Variants in SCN8A observed in about 807,000 individuals in gnomAD.
SCN8A encodes sodium voltage-gated channel alpha subunit 8.
Under a neutral mutation model 184.1 loss-of-function variants are expected in SCN8A, and 30 were observed. The ratio of observed to expected loss-of-function variants is 0.16; its 90% CI spans 0.12 to 0.22. SCN8A has a LOEUF of 0.22. Among genes scored for constraint, SCN8A ranks in the 10% least tolerant of loss-of-function variants. The probability of loss-of-function intolerance (pLI) is 1.00; values close to 1 mark genes in which losing one functional copy is unlikely to be tolerated. For synonymous variants in SCN8A, 852 were observed against 907.0 expected, an observed-to-expected ratio of 0.94 and a Z score of 1.09; for missense variants, 1,057 against 2,498.9, an observed-to-expected ratio of 0.42 and a Z score of 12.30.
chr12:51,744,310 CA>C (rs1942473965), intron 12 of SCN8A, among the ~76,000 whole-genome samples: 1 of 152,062 alleles, frequency 6.6e-6, no homozygotes, highest in Non-Finnish European at 1.5e-5. Context: ...AAAGCAAAAA[CA>C]AAAAACCTTA....
At chr12:51,766,076 C>T (rs752173880) in intron 16 of SCN8A, 49 bp downstream of exon 16, 2 of 1,453,794 alleles carry the variant, frequency 1.4e-6, no homozygotes, top group South Asian at 2.3e-5. Context: ...GAATATTCTA[C>T]CCCTGGCCCA....
At chr12:51,674,015 G>T (rs1941178259) in intron 2 of SCN8A, among the ~76,000 whole-genome samples, 1 of 152,178 alleles carries the variant, frequency 6.6e-6, no homozygotes, top group Non-Finnish European at 1.5e-5. Flanking sequence ...GAGGAACAGT[G>T]CATATAAAGG....
chr12:51,679,093 T>TAAAAA (rs58620372), intron 2 of SCN8A, among the ~76,000 whole-genome samples: 3 of 149,740 alleles, frequency 2.0e-5, no homozygotes, highest in African/African-American at 7.4e-5. Context: ...AATAAAAAAA[T>TAAAAA]AAAAAAAAAT....
chr12:51,707,599 C>G (rs1941805999), intron 11 of SCN8A, among the ~76,000 whole-genome samples: 1 of 152,184 alleles, frequency 6.6e-6, no homozygotes, highest in Non-Finnish European at 1.5e-5. Flanking sequence ...TCCCATCCCA[C>G]TGACTTGACT....
At chr12:51,656,663 G>A (rs1261387456) in intron 1 of SCN8A, among the ~76,000 whole-genome samples, 1 of 152,114 alleles carries the variant, frequency 6.6e-6, no homozygotes, top group Non-Finnish European at 1.5e-5. Context: ...ATGTCTAAAT[G>A]GCCAATCAAC....
intron 22 of SCN8A, 55 bp from the exon 23 acceptor site, chr12:51,788,640 G>A: frequency 6.9e-7 from 1 of 1,442,472 alleles, no homozygotes. Context: ...CCCCTGCCTA[G>A]ACTCCCATCC....
chr12:51,648,542 G>C (rs1415571767), intron 1 of SCN8A, among the ~76,000 whole-genome samples: 1 of 152,182 alleles, frequency 6.6e-6, no homozygotes, highest in Non-Finnish European at 1.5e-5. Flanking sequence ...ATATGGCTGG[G>C]GAGGCCTCAG....
Position 51,642,441 on chromosome 12 carries a change from T to G in SCN8A, c.-54-20323T>G, listed in dbSNP as rs536339685. 5.5e-4 allele frequency among the ~76,000 whole-genome samples: 84 copies of G among 152,292 alleles called. 1 individual carries two copies. Among genetic ancestry groups the G allele is most frequent in the African/African-American group, 1.9e-3 (78 of 41,550 alleles). On this transcript the variant is annotated intron_variant, in intron 1 of 26. Coordinates refer to ENST00000627620, the MANE Select transcript of SCN8A (RefSeq NM_001330260.2). Reference sequence around the variant, plus strand: ...GTGCTACACAAATATGAGGTTGCATTAATTTGTAGCCTCAGCAACTGTTTG... The same window carrying G: ...GTGCTACACAAATATGAGGTTGCATGAATTTGTAGCCTCAGCAACTGTTTG...
At chr12:51,677,762 T>G (rs1941249273) in intron 2 of SCN8A, among the ~76,000 whole-genome samples, 1 of 152,216 alleles carries the variant, frequency 6.6e-6, no homozygotes, top group Admixed American at 6.5e-5. Context: ...CCATAACTCG[T>G]TAAGAACTGT....
In SCN8A at chr12:51,778,321, T is replaced by G. The variant is rs998699246; in HGVS notation, c.3820-2328T>G. Among the ~76,000 whole-genome samples the G allele has an allele frequency of 2.0e-5, 3 of 152,094 alleles. No individual in the cohort carries two copies. The South Asian group carries it at 6.2e-4, about 32-fold the overall frequency. On this transcript the variant is annotated intron_variant, in intron 20 of 26. Transcript: ENST00000627620. ...TTATTTGAGATGGAGTTTCTCTCTT[T>G]TTGTCCACGTTGGAGTGCAATGGCA...
intron 1 of SCN8A, among the ~76,000 whole-genome samples, chr12:51,624,567 G>A (rs568061999): frequency 1.3e-5 from 2 of 151,934 alleles, no homozygotes; most frequent in African/African-American, 4.8e-5. Flanking sequence ...TAGGTTGCCT[G>A]TTCACTCTGA....
At chr12:51,644,642 C>T (rs941311814) in intron 1 of SCN8A, among the ~76,000 whole-genome samples, 1 of 152,210 alleles carries the variant, frequency 6.6e-6, no homozygotes, top group South Asian at 2.1e-4. Flanking sequence ...ATTGCAGCCT[C>T]TGCCCGGCCG....
intron 21 of SCN8A, among the ~76,000 whole-genome samples, chr12:51,784,237 C>T (rs1274409377): frequency 6.6e-6 from 1 of 152,094 alleles, no homozygotes; most frequent in Admixed American, 6.6e-5. Flanking sequence ...ATGTTCAAAG[C>T]AAGGAAGAAT....
At chr12:51,763,805 G>A (rs1386507584) in intron 15 of SCN8A, among the ~76,000 whole-genome samples, 1 of 152,182 alleles carries the variant, frequency 6.6e-6, no homozygotes, top group Non-Finnish European at 1.5e-5. Context: ...GAATTGGCTT[G>A]GGTTTTTCAC....
chr12:51,730,127 C>T (rs926367971), intron 12 of SCN8A, among the ~76,000 whole-genome samples: 2 of 151,860 alleles, frequency 1.3e-5, no homozygotes. Flanking sequence ...AGGATGCCTA[C>T]CCCCAAGAAC....
chr12:51,645,009 C>A (rs11169896), intron 1 of SCN8A, among the ~76,000 whole-genome samples: 99,500 of 146,554 alleles, frequency 0.68, 35,838 homozygotes, highest in East Asian at 0.82. Flanking sequence ...CCGGCAGCCA[C>A]CTCGTCTGGG....
chr12:51,693,209 A>G (rs553681085), intron 6 of SCN8A, among the ~76,000 whole-genome samples: 6 of 152,206 alleles, frequency 3.9e-5, no homozygotes, highest in Non-Finnish European at 8.8e-5. Flanking sequence ...TTTTAAGACT[A>G]TATCCTGACT....
intron 1 of SCN8A, among the ~76,000 whole-genome samples, chr12:51,655,408 CA>C (rs1354812248): frequency 6.7e-6 from 1 of 148,904 alleles, no homozygotes; most frequent in Non-Finnish European, 1.5e-5. Context: ...GGTTTAGACA[CA>C]AGAGTTGTGT....
chr12:51,636,420 G>A (rs756955644), intron 1 of SCN8A, among the ~76,000 whole-genome samples: 1 of 152,148 alleles, frequency 6.6e-6, no homozygotes, highest in Non-Finnish European at 1.5e-5. Context: ...CTGAATGAAG[G>A]CATGGTAACT....
Sources: allele counts gnomAD v4.1 joint callset (sites outside exome capture counted in the v4.1 genomes callset), GRCh38; gene constraint gnomAD v4.1.1; transcripts MANE v1.5; gene names NCBI Gene and HGNC (gene_info 2026-07-23, HGNC 2026-07-21).